Variants in VPS13A observed in about 807,000 individuals in gnomAD.
VPS13A encodes vacuolar protein sorting 13 homolog A.
A neutral mutation model predicts 390.9 loss-of-function variants in VPS13A; 264 were observed. The ratio of observed to expected loss-of-function variants is 0.68; its 90% CI spans 0.61 to 0.75. The LOEUF is 0.75. VPS13A is among the 30% of genes least tolerant of loss of function. VPS13A has a pLI of 0.00. For synonymous variants in VPS13A, 1,231 were observed against 1,227.1 expected, an observed-to-expected ratio of 1.00 and a Z score of -0.07; for missense variants, 3,409 against 3,733.9, an observed-to-expected ratio of 0.91 and a Z score of 2.27.
At chr9:77,283,221 C>A (rs1173084439) in intron 29 of VPS13A, 134 bp from the exon 30 acceptor site, 1 of 610,286 alleles carries the variant, frequency 1.6e-6, no homozygotes, top group African/African-American at 1.9e-5. Context: ...TCATACCTTG[C>A]TTTCAACTGA....
chr9:77,194,779 G>T (rs189549992), intron 1 of VPS13A, among the ~76,000 whole-genome samples: 3 of 152,042 alleles, frequency 2.0e-5, no homozygotes, highest in South Asian at 4.2e-4. Context: ...CCCAGGATCC[G>T]CATCCTCCTT....
intron 67 of VPS13A, among the ~76,000 whole-genome samples, chr9:77,377,212 T>TTTTTG (rs200336375): frequency 0.048 from 5,517 of 115,538 alleles, 291 homozygotes; most frequent in South Asian, 0.089. Context: ...TGTTTTTTTT[T>TTTTTG]TTTTTTTTTT....
intron 32 of VPS13A, among the ~76,000 whole-genome samples, chr9:77,294,120 T>G (rs942200765): frequency 3.3e-5 from 5 of 151,992 alleles, no homozygotes; most frequent in Admixed American, 2.0e-4. Flanking sequence ...GGGGTCTTAC[T>G]CTGTTGCCCA....
intron 35 of VPS13A, among the ~76,000 whole-genome samples, chr9:77,308,541 G>A (rs1828897936): frequency 6.6e-6 from 1 of 152,136 alleles, no homozygotes; most frequent in Non-Finnish European, 1.5e-5. Flanking sequence ...GGTGCAAAGA[G>A]AGGATGATCA....
At chr9:77,406,067 C>T in intron 70 of VPS13A, 80 bp downstream of exon 70, 2 of 1,556,812 alleles carry the variant, frequency 1.3e-6, no homozygotes, top group African/African-American at 1.4e-5. Context: ...TTGTATAATG[C>T]TCTACCTCTT....
In VPS13A at chr9:77,184,137, T is replaced by C. The variant is rs554401954; in HGVS notation, c.100+6333T>C. On this transcript the variant is annotated intron_variant, in intron 1 of 71. Coordinates refer to ENST00000360280, the MANE Select transcript of VPS13A (RefSeq NM_033305.3). Reference sequence around the variant, plus strand: ...TGTACATTGACTGAGTTTTGACAAATACATACACACATGTAACTCAAACCC... The same window carrying C: ...TGTACATTGACTGAGTTTTGACAAACACATACACACATGTAACTCAAACCC... Among the ~76,000 whole-genome samples, 84 of 152,266 alleles carry C rather than the reference T, an allele frequency of 5.5e-4. 1 individual carries two copies. The South Asian group carries it at 7.7e-3, about 14-fold the overall frequency.
intron 22 of VPS13A, among the ~76,000 whole-genome samples, chr9:77,257,518 C>T (rs757289556): frequency 6.6e-6 from 1 of 152,042 alleles, no homozygotes; most frequent in African/African-American, 2.4e-5. Context: ...TTTGAGAGGC[C>T]GAGGTGGTAG....
chr9:77,383,966 T>A (rs1459278971), intron 68 of VPS13A, among the ~76,000 whole-genome samples: 1 of 128,666 alleles, frequency 7.8e-6, no homozygotes, highest in Admixed American at 8.7e-5. Flanking sequence ...GTGGGTTTTG[T>A]TTTTTTTTTT....
intron 46 of VPS13A, among the ~76,000 whole-genome samples, chr9:77,333,159 T>G (rs1830366086): frequency 6.6e-6 from 1 of 152,190 alleles, no homozygotes; most frequent in Non-Finnish European, 1.5e-5. Context: ...TGTGAAGAAC[T>G]TTCATTTTCT....
intron 13 of VPS13A, among the ~76,000 whole-genome samples, chr9:77,222,226 G>C (rs1033163205): frequency 3.3e-5 from 5 of 152,064 alleles, no homozygotes; most frequent in African/African-American, 9.7e-5. Context: ...TAGAGTCTTT[G>C]GGGGATGGGT....
chr9:77,239,869 CTT>C (rs989299428), intron 19 of VPS13A, among the ~76,000 whole-genome samples: 28 of 151,790 alleles, frequency 1.8e-4, no homozygotes, highest in Non-Finnish European at 3.8e-4. Context: ...TTCTCTATCT[CTT>C]TTTATTTTAT....
chr9:77,306,562 A>G (rs1253931381), intron 34 of VPS13A, among the ~76,000 whole-genome samples: 1 of 151,880 alleles, frequency 6.6e-6, no homozygotes, highest in Non-Finnish European at 1.5e-5. Flanking sequence ...ATATCCAGGG[A>G]AGAGGTAGTG....
At chr9:77,371,625 G>T (rs1019736950) in intron 67 of VPS13A, among the ~76,000 whole-genome samples, 1 of 151,690 alleles carries the variant, frequency 6.6e-6, no homozygotes, top group African/African-American at 2.4e-5. Flanking sequence ...AATATGGCAG[G>T]TTGCATATGG....
chr9:77,214,269 C>A, intron 9 of VPS13A, 60 bp from the exon 10 acceptor site: 2 of 1,458,466 alleles, frequency 1.4e-6, no homozygotes, highest in Non-Finnish European at 1.9e-6. Context: ...GGGGGAGACT[C>A]CATCTCAAAA....
In VPS13A at chr9:77,214,335, T is replaced by G; in HGVS notation, c.703T>G (p.Leu235Val). ...GCAATTTGTCTTTTAATAGGACGACTTGAAGAATGGCATTGTCAATGAAAA... is the reference window on the plus strand; with the variant it reads ...GCAATTTGTCTTTTAATAGGACGACGTGAAGAATGGCATTGTCAATGAAAA... ...LSDYDNSLDDLKNGIVNENIV... is the reference protein window; with the variant it reads ...LSDYDNSLDDVKNGIVNENIV... Residue 235 changes from leucine to valine, a missense_variant, in exon 10 of 72, where the codon TTG becomes GTG. Physicochemically the swap from Leu to Val is conservative, Grantham distance 32. Coordinates refer to ENST00000360280, the MANE Select transcript of VPS13A (RefSeq NM_033305.3). 2.5e-6 allele frequency: 4 copies of G among 1,612,934 alleles called. No homozygotes were observed. Among genetic ancestry groups the G allele is most frequent in the Non-Finnish European group, 2.5e-6 (3 of 1,179,130 alleles).
chr9:77,187,837 A>G (rs1824435640), intron 1 of VPS13A, among the ~76,000 whole-genome samples: 1 of 152,054 alleles, frequency 6.6e-6, no homozygotes, highest in Non-Finnish European at 1.5e-5. Context: ...TACCCGATAG[A>G]TAGTTTTTTG....
intron 23 of VPS13A, among the ~76,000 whole-genome samples, chr9:77,271,832 A>G (rs1826370888): frequency 6.6e-6 from 1 of 152,216 alleles, no homozygotes; most frequent in Non-Finnish European, 1.5e-5. Context: ...AATGTAAGAT[A>G]CAAAAATTTC....
Position 77,273,269 on chromosome 9 carries a change from T to C in VPS13A, c.2428-11T>C. ...TTTGTGCTAATCAACATTGAATTAC[T>C]TTTCTTTCAGATTCAAACATCTACT... On this transcript the variant is annotated splice_polypyrimidine_tract_variant and intron_variant, in intron 23 of 71. Coordinates refer to ENST00000360280, the MANE Select transcript of VPS13A (RefSeq NM_033305.3). 1 of 1,602,150 alleles carries C rather than the reference T, an allele frequency of 6.2e-7. No homozygotes were observed. The highest frequency in any genetic ancestry group is 1.1e-5 in the South Asian group (1 of 89,870).
At chr9:77,214,263 G>T in intron 9 of VPS13A, 66 bp from the exon 10 acceptor site, 6 of 1,395,392 alleles carry the variant, frequency 4.3e-6, no homozygotes, top group Non-Finnish European at 5.1e-6. Context: ...GTGACAGGGG[G>T]AGACTCCATC....
Sources: allele counts gnomAD v4.1 joint callset (sites outside exome capture counted in the v4.1 genomes callset), GRCh38; gene constraint gnomAD v4.1.1; transcripts MANE v1.5; gene names NCBI Gene and HGNC (gene_info 2026-07-23, HGNC 2026-07-21).